ENTPD1: variants seen among roughly 807,000 people sequenced by gnomAD.
ENTPD1 encodes ATP diphosphohydrolase.
Under a neutral mutation model 57.0 loss-of-function variants are expected in ENTPD1, and 33 were observed. That is an observed-to-expected ratio of 0.58 (90% CI 0.44 to 0.77). The LOEUF is 0.77. ENTPD1 is among the 30% of genes least tolerant of loss of function. The pLI, the probability that ENTPD1 is intolerant of heterozygous loss-of-function variation, is 0.00. For synonymous variants in ENTPD1, 202 were observed against 218.8 expected, an observed-to-expected ratio of 0.92 and a Z score of 0.68; for missense variants, 501 against 603.4, an observed-to-expected ratio of 0.83 and a Z score of 1.78.
chr10:95,697,643 C>T, the ENTPD1 span, among the ~76,000 whole-genome samples: 97 of 152,266 alleles, frequency 6.4e-4, 1 homozygote, highest in South Asian at 0.016. Context: ...CAAGTTAACA[C>T]GCTCAGCTTC....
At chr10:95,707,005 C>T (rs1026153838), upstream of ENTPD1, among the ~76,000 whole-genome samples, 6 of 152,170 alleles carry the variant, frequency 3.9e-5, no homozygotes, top group African/African-American at 1.4e-4. Context: ...GAGGGGGGTG[C>T]CTTCCTGGGC....
chr10:95,796,869 A>G (rs1246141356), intron 1 of ENTPD1, among the ~76,000 whole-genome samples: 1 of 152,112 alleles, frequency 6.6e-6, no homozygotes, highest in Non-Finnish European at 1.5e-5. Flanking sequence ...ACTTGAGGCC[A>G]GGAGTTTGAG....
intron 1 of ENTPD1, among the ~76,000 whole-genome samples, chr10:95,726,386 G>A (rs1173209798): frequency 6.6e-6 from 1 of 151,988 alleles, no homozygotes; most frequent in Non-Finnish European, 1.5e-5. Flanking sequence ...CTTTCTTCTT[G>A]TCTTCCAAAA....
Position 95,870,010 on chromosome 10 carries a change from T to C in ENTPD1, c.*3627T>C, listed in dbSNP as rs2098478689. 4 of 985,336 alleles carry C rather than the reference T, an allele frequency of 4.1e-6. No individual in the cohort carries two copies. Among genetic ancestry groups the C allele is most frequent in the Non-Finnish European group, 4.8e-6 (4 of 829,948 alleles). The allele number at this position is 985,336 out of a possible 1,614,324, so 61.0% of individuals were successfully genotyped here. A position where few individuals can be genotyped will look rare whatever the true frequency, so the allele number is the denominator to read the frequency against. On this transcript the variant is annotated 3_prime_UTR_variant, in exon 10 of 10. Coordinates refer to ENST00000371205, the MANE Select transcript of ENTPD1 (RefSeq NM_001776.6). ...AAAAGACACAGGAACTAAGCCCTCA[T>C]TGTCTTTCCCTTGGGAGGTAGTTTA... is the stretch of plus-strand genomic sequence containing the variant.
intron 1 of ENTPD1, among the ~76,000 whole-genome samples, chr10:95,788,616 AAAAAAAAAG>A (rs147120992): frequency 0.045 from 6,739 of 151,326 alleles, 485 homozygotes; most frequent in African/African-American, 0.15. Context: ...GACTCTGTCC[AAAAAAAAAG>A]AAAAAAAAGA....
chr10:95,840,782 G>A (rs1342790), intron 3 of ENTPD1, among the ~76,000 whole-genome samples: 81,246 of 151,970 alleles, frequency 0.53, 22,162 homozygotes, highest in Admixed American at 0.63. Flanking sequence ...TTATACCACA[G>A]TCTCTCTGAC....
chr10:95,805,369 G>A (rs1421774423), intron 1 of ENTPD1, among the ~76,000 whole-genome samples: 1 of 151,698 alleles, frequency 6.6e-6, no homozygotes, highest in Non-Finnish European at 1.5e-5. Flanking sequence ...CATTTATTTT[G>A]AGCCTATGTG....
chr10:95,751,523 A>T (rs1258633127), upstream of ENTPD1, among the ~76,000 whole-genome samples: 1 of 152,030 alleles, frequency 6.6e-6, no homozygotes, highest in Non-Finnish European at 1.5e-5. Flanking sequence ...GTTCGAGACC[A>T]GGCTGGACCA....
chr10:95,868,840 T>C lies in ENTPD1; in HGVS notation c.*2457T>C, dbSNP rs79752606. On this transcript the variant is annotated 3_prime_UTR_variant, in exon 10 of 10. Transcript: ENST00000371205. ...TTCCTGTTTGGTTGCCTACGTCCAA[T>C]CTCCCCCTCCCCAGAGATGCCAAAA... The C allele has an allele frequency of 2.0e-6, 2 of 984,970 alleles. No individual in the cohort carries two copies. Among genetic ancestry groups the C allele is most frequent in the Non-Finnish European group, 2.4e-6 (2 of 829,892 alleles). The allele number at this position is 984,970 out of a possible 1,614,324, so 61.0% of individuals were successfully genotyped here.
rs57407553 is a variant in ENTPD1 at position 95,758,002 on chromosome 10, C to CAAAAAAAAAAAAAAAA, written c.16+1760_16+1775dup. On this transcript the variant is annotated intron_variant, in intron 1 of 9. Coordinates refer to ENST00000371205, the MANE Select transcript of ENTPD1 (RefSeq NM_001776.6). The stretch of plus-strand genomic sequence containing the variant: ...CCTGGGCGAGAGTGAGACACTGTCT[C>CAAAAAAAAAAAAAAAA]AAAAAAAAAAAAAAAAAAAAAAAAA... Among the ~76,000 whole-genome samples the CAAAAAAAAAAAAAAAA allele has an allele frequency of 1.6e-3, 43 of 26,408 alleles. 1 individual carries two copies. The highest frequency in any genetic ancestry group is 2.0e-3 in the Non-Finnish European group (24 of 11,748). The allele number at this position is 26,408 out of a possible 152,430, so 17.3% of individuals were successfully genotyped here. A position where few individuals can be genotyped will look rare whatever the true frequency, so the allele number is the denominator to read the frequency against.
intron 1 of ENTPD1, among the ~76,000 whole-genome samples, chr10:95,810,486 G>A (rs1000468357): frequency 2.7e-5 from 4 of 150,838 alleles, no homozygotes; most frequent in Non-Finnish European, 5.9e-5. Context: ...CGGACAGGGC[G>A]GCCAGGCAGA....
chr10:95,816,394 CAA>C (rs1173516738), intron 1 of ENTPD1, among the ~76,000 whole-genome samples: 3 of 152,090 alleles, frequency 2.0e-5, no homozygotes, highest in African/African-American at 7.2e-5. Context: ...TGTAAACTAA[CAA>C]TAATGATAAT....
At chr10:95,818,718 T>C (rs1034189989) in intron 1 of ENTPD1, among the ~76,000 whole-genome samples, 1 of 152,164 alleles carries the variant, frequency 6.6e-6, no homozygotes, top group African/African-American at 2.4e-5. Flanking sequence ...AAGAGTTCCC[T>C]GATGGAGAAG....
At chr10:95,739,130 C>T (rs2097997624) in intron 1 of ENTPD1, among the ~76,000 whole-genome samples, 1 of 152,186 alleles carries the variant, frequency 6.6e-6, no homozygotes, top group African/African-American at 2.4e-5. Flanking sequence ...ATCATCTAAA[C>T]CTTCTGTGAG....
chr10:95,778,388 A>C (rs946045890), intron 1 of ENTPD1, among the ~76,000 whole-genome samples: 23 of 152,198 alleles, frequency 1.5e-4, no homozygotes, highest in Admixed American at 1.4e-3. Context: ...GGAAGTGTCA[A>C]TGGCTAAAAG....
chr10:95,866,767 AG>A lies in ENTPD1; in HGVS notation c.*386del, dbSNP rs1200174934. 6.2e-6 allele frequency: 7 copies of A among 1,131,308 alleles called. No homozygotes were observed. Among genetic ancestry groups the A allele is most frequent in the Non-Finnish European group, 7.6e-6 (7 of 915,590 alleles). The allele number at this position is 1,131,308 out of a possible 1,614,324, so 70.1% of individuals were successfully genotyped here. ...CTGAGCTGGCTGAAAGAAGAATCTC[AG>A]GAACTGGTTCAGTTGTACTCTTTAA... On this transcript the variant is annotated 3_prime_UTR_variant, in exon 10 of 10. Coordinates refer to ENST00000371205, the MANE Select transcript of ENTPD1 (RefSeq NM_001776.6).
chr10:95,800,783 T>A (rs1423640690), intron 1 of ENTPD1, among the ~76,000 whole-genome samples: 1 of 152,214 alleles, frequency 6.6e-6, no homozygotes, highest in Non-Finnish European at 1.5e-5. Flanking sequence ...TATGGTTATC[T>A]TTCCTCGTTC....
chr10:95,777,790 C>A (rs989677179), intron 1 of ENTPD1, among the ~76,000 whole-genome samples: 1 of 152,254 alleles, frequency 6.6e-6, no homozygotes, highest in African/African-American at 2.4e-5. Context: ...GTAGGCCTTG[C>A]TGAGCTGCGG....
chr10:95,707,349 G>A (rs947601570), upstream of ENTPD1, among the ~76,000 whole-genome samples: 1 of 152,196 alleles, frequency 6.6e-6, no homozygotes, highest in Non-Finnish European at 1.5e-5. Context: ...CACAGTTTGG[G>A]GGGGCTGCAG....
Sources: gnomAD v4.1 joint callset for allele counts (sites outside exome capture counted in the v4.1 genomes callset) on GRCh38, gnomAD v4.1.1 for gene constraint, MANE v1.5 for transcripts, NCBI Gene and HGNC (gene_info 2026-07-23, HGNC 2026-07-21) for gene names.